The following CEACAM7 variants were observed in gnomAD, a reference collection of about 807,000 sequenced individuals.
The protein encoded by CEACAM7 is CEA cell adhesion molecule 7.
A neutral mutation model predicts 25.7 loss-of-function variants in CEACAM7; 24 were observed. The ratio of observed to expected loss-of-function variants is 0.93; its 90% CI spans 0.68 to 1.31. CEACAM7 has a LOEUF of 1.31. CEACAM7 is among the 40% of genes most tolerant of loss of function. The probability of loss-of-function intolerance (pLI) is 0.00; values close to 1 mark genes in which losing one functional copy is unlikely to be tolerated. For synonymous variants in CEACAM7, 144 were observed against 129.4 expected (o/e 1.11, Z -0.77); for missense variants, 324 against 330.1 (o/e 0.98, Z 0.14).
Position 41,688,096 on chromosome 19 carries a change from C to CCT in CEACAM7, c.64+4_64+5dup, listed in dbSNP as rs781965279. The CCT allele has an allele frequency of 8.1e-6, 13 of 1,609,650 alleles. No homozygotes were observed. Among genetic ancestry groups the CCT allele is most frequent in the Middle Eastern group, 1.6e-4 (1 of 6,066 alleles). ...CCCACCCACTCCCAGGAAGTCCTCC[C>CCT]CTCACCTGTGAGCAGGAGCCCCTGC... On this transcript the variant is annotated splice_donor_region_variant and intron_variant, in intron 1 of 4. Coordinates refer to ENST00000401731, the MANE Select transcript of CEACAM7 (RefSeq NM_001291485.2).
In CEACAM7 at chr19:41,686,896, A is replaced by G; in HGVS notation, c.390T>C (p.Leu130=). The G allele has an allele frequency of 6.5e-7, 1 of 1,535,296 alleles. No individual in the cohort carries two copies. Among genetic ancestry groups the G allele is most frequent in the Non-Finnish European group, 8.7e-7 (1 of 1,144,620 alleles). The part of the protein sequence containing the change: ...IYTLHVIKEN[L]VNEEVTRQFY... ...ATTGTCTGGTTACTTCTTCATTCAC[A>G]AGATTTTCTTTTATAACGTGTAGGG... is the stretch of plus-strand genomic sequence containing the variant. Residue 130 remains leucine (L), a synonymous_variant, in exon 2 of 5, where the codon CTT becomes CTC. Coordinates refer to ENST00000401731, the MANE Select transcript of CEACAM7 (RefSeq NM_001291485.2).
chr19:41,684,787 A>G (rs1305269458), intron 2 of CEACAM7, among the ~76,000 whole-genome samples: 3 of 152,244 alleles, frequency 2.0e-5, no homozygotes, highest in Non-Finnish European at 4.4e-5. Flanking sequence ...GATGTGTGTT[A>G]TGTTAGGAAA....
intron 4 of CEACAM7, among the ~76,000 whole-genome samples, chr19:41,675,771 C>G (rs2072107624): frequency 6.6e-6 from 1 of 152,216 alleles, no homozygotes; most frequent in Non-Finnish European, 1.5e-5. Flanking sequence ...ACACCACTCA[C>G]AAACAAATTT....
At position 41,674,562 on chromosome 19, in the gene CEACAM7, G is replaced by A. The variant is rs1555809946; in HGVS notation, c.*214C>T. 1 of 252,540 alleles carries A rather than the reference G, an allele frequency of 4.0e-6. No homozygotes were observed. The highest frequency in any genetic ancestry group is 4.4e-5 in the South Asian group (1 of 22,820). The allele number at this position is 252,540 out of a possible 1,614,324, so 15.6% of individuals were successfully genotyped here. A position where few individuals can be genotyped will look rare whatever the true frequency, so the allele number is the denominator to read the frequency against. On this transcript the variant is annotated 3_prime_UTR_variant, in exon 5 of 5. Transcript: ENST00000401731. Reference sequence around the variant, plus strand: ...CAATTTGAGTGTCTCTAGTTATGGTGTTGAACATTTTGGTTAGCTCTGAGT... The same window carrying A: ...CAATTTGAGTGTCTCTAGTTATGGTATTGAACATTTTGGTTAGCTCTGAGT...
At chr19:41,682,438 T>C (rs1239925179) in intron 3 of CEACAM7, among the ~76,000 whole-genome samples, 1 of 152,230 alleles carries the variant, frequency 6.6e-6, no homozygotes, top group Non-Finnish European at 1.5e-5. Flanking sequence ...TGCTCTGTGC[T>C]GTGTCCACAG....
intron 2 of CEACAM7, among the ~76,000 whole-genome samples, chr19:41,685,750 A>AT (rs2072219932): frequency 1.3e-5 from 2 of 152,276 alleles, no homozygotes; most frequent in South Asian, 4.1e-4. Flanking sequence ...AGGCCTGGAC[A>AT]TTCCCAGCAC....
intron 3 of CEACAM7, among the ~76,000 whole-genome samples, chr19:41,679,809 T>C (rs1555810501): frequency 1.4e-5 from 2 of 147,142 alleles, no homozygotes; most frequent in Non-Finnish European, 3.0e-5. Context: ...CTCTTTTTTT[T>C]TTTTTTTTTT....
intron 1 of CEACAM7, 106 bp from the exon 2 acceptor site, chr19:41,687,327 G>T: frequency 9.1e-7 from 1 of 1,099,388 alleles, no homozygotes; most frequent in Non-Finnish European, 1.3e-6. Context: ...CCATCTTGAA[G>T]TAAGTGTGTG....
intron 2 of CEACAM7, among the ~76,000 whole-genome samples, chr19:41,684,663 C>T (rs183839446): frequency 9.9e-5 from 15 of 152,278 alleles, no homozygotes; most frequent in Admixed American, 5.2e-4. Context: ...CAGGAAAGTG[C>T]AGCAGAGTCC....
At chr19:41,685,629 G>T (rs1394674582) in intron 2 of CEACAM7, among the ~76,000 whole-genome samples, 6 of 152,134 alleles carry the variant, frequency 3.9e-5, no homozygotes, top group Non-Finnish European at 4.4e-5. Flanking sequence ...GGGTGTGAGT[G>T]GGGAGAGAAA....
In CEACAM7 at chr19:41,677,383, C is replaced by T; in HGVS notation, c.*29G>A. On this transcript the variant is annotated 3_prime_UTR_variant, in exon 4 of 5. Coordinates refer to ENST00000401731, the MANE Select transcript of CEACAM7 (RefSeq NM_001291485.2). ...AAAGGTCATAATACCTACCACTCTT[C>T]CCGAAATGCAGAAACTACACCAAGG... is the stretch of plus-strand genomic sequence containing the variant. 1 of 1,539,740 alleles carries T rather than the reference C, an allele frequency of 6.5e-7. No individual in the cohort carries two copies. Among genetic ancestry groups the T allele is most frequent in the South Asian group, 1.1e-5 (1 of 89,500 alleles).
chr19:41,687,054 G>T lies in CEACAM7; in HGVS notation c.232C>A (p.Arg78=), dbSNP rs782719770. The stretch of plus-strand genomic sequence containing the variant: ...ATATTTTTTACATATCCTATAATTC[G>T]ATAGTTGGCATGCACCCTTTCCCCT... ...YKGERVHANY[R]IIGYVKNISQ... Residue 78 remains arginine (R), a synonymous_variant, in exon 2 of 5, where the codon CGA becomes AGA. Coordinates refer to ENST00000401731, the MANE Select transcript of CEACAM7 (RefSeq NM_001291485.2). The T allele has an allele frequency of 6.2e-7, 1 of 1,614,006 alleles. No individual in the cohort carries two copies. The highest frequency in any genetic ancestry group is 1.7e-5 in the Admixed American group (1 of 60,008).
At position 41,686,816 on chromosome 19, in the gene CEACAM7, G is replaced by A. The variant is rs782142578; in HGVS notation, c.427+43C>T. On this transcript the variant is annotated intron_variant, in intron 2 of 4. Transcript: ENST00000401731. ...CTGACAACCCCGTGTGTATGAAGTAGAACTGGCCCCCAGCACCCAGAAGTC... is the reference window on the plus strand; with the variant it reads ...CTGACAACCCCGTGTGTATGAAGTAAAACTGGCCCCCAGCACCCAGAAGTC... 4.0e-6 allele frequency: 6 copies of A among 1,513,820 alleles called. No homozygotes were observed. The Admixed American group carries it at 6.8e-5, about 17-fold the overall frequency. 93.8% of individuals were successfully genotyped at this position (1,513,820 alleles called of 1,614,324 possible).
intron 3 of CEACAM7, among the ~76,000 whole-genome samples, chr19:41,678,885 T>C (rs2072144426): frequency 6.6e-6 from 1 of 152,214 alleles, no homozygotes; most frequent in Admixed American, 6.5e-5. Flanking sequence ...AAGTTAAGAA[T>C]CTTGTGCAAG....
At chr19:41,675,543 A>G (rs1401064171) in intron 4 of CEACAM7, among the ~76,000 whole-genome samples, 3 of 152,176 alleles carry the variant, frequency 2.0e-5, no homozygotes, top group Non-Finnish European at 2.9e-5. Flanking sequence ...TTCTTAGCCC[A>G]ATGGTATGAT....
At chr19:41,679,813 T>TTC (rs2072154778) in intron 3 of CEACAM7, among the ~76,000 whole-genome samples, 1 of 148,152 alleles carries the variant, frequency 6.7e-6, no homozygotes, top group Non-Finnish European at 1.5e-5. Flanking sequence ...TTTTTTTTTT[T>TTC]TTTTTTGAGA....
chr19:41,686,830 C>A (rs201640756), intron 2 of CEACAM7, 29 bp downstream of exon 2: 1 of 1,515,236 alleles, frequency 6.6e-7, no homozygotes, highest in Admixed American at 2.3e-5. Flanking sequence ...TGGCCCCCAG[C>A]ACCCAGAAGT....
At chr19:41,676,938 T>A (rs1346043709) in intron 4 of CEACAM7, among the ~76,000 whole-genome samples, 1 of 152,188 alleles carries the variant, frequency 6.6e-6, no homozygotes, top group Admixed American at 6.5e-5. Flanking sequence ...ACTTATCTAA[T>A]GGGCTAGAGT....
intron 3 of CEACAM7, 37 bp from the exon 4 acceptor site, chr19:41,677,540 C>T (rs782245169): frequency 1.8e-5 from 28 of 1,525,038 alleles, no homozygotes; most frequent in East Asian, 4.5e-5. Context: ...TGAAGTTGAT[C>T]TTATTTTACA....
Sources: allele counts gnomAD v4.1 joint callset (sites outside exome capture counted in the v4.1 genomes callset), GRCh38; gene constraint gnomAD v4.1.1; transcripts MANE v1.5; gene names NCBI Gene and HGNC (gene_info 2026-07-23, HGNC 2026-07-21).